The following OSBPL10 variants were observed in gnomAD, a reference collection of about 807,000 sequenced individuals.
OSBPL10 encodes the protein oxysterol-binding protein-related protein 10.
OSBPL10 carries 49 observed loss-of-function variants against 81.7 expected under a neutral mutation model. The observed-to-expected ratio is 0.60, with a 90% CI of 0.48 to 0.76. The LOEUF is 0.76. Among genes scored for constraint, OSBPL10 ranks in the 30% least tolerant of loss-of-function variants. The pLI is 0.00. For synonymous variants in OSBPL10, 419 were observed against 383.6 expected, an observed-to-expected ratio of 1.09 and a Z score of -1.08; for missense variants, 923 against 987.8, an observed-to-expected ratio of 0.93 and a Z score of 0.88.
chr3:31,906,688 T>C (rs983874433), intron 1 of OSBPL10, among the ~76,000 whole-genome samples: 1 of 152,212 alleles, frequency 6.6e-6, no homozygotes, highest in Admixed American at 6.5e-5. Context: ...CCTCCCACAC[T>C]GGCTACTCCT....
intron 6 of OSBPL10, among the ~76,000 whole-genome samples, chr3:31,717,469 T>C (rs917410251): frequency 6.6e-6 from 1 of 152,100 alleles, no homozygotes; most frequent in South Asian, 2.1e-4. Context: ...GAAGAAAGCA[T>C]CTGGCAGAAA....
intron 1 of OSBPL10, among the ~76,000 whole-genome samples, chr3:32,054,997 C>T (rs1270487659): frequency 2.0e-5 from 3 of 152,054 alleles, no homozygotes; most frequent in Non-Finnish European, 4.4e-5. Flanking sequence ...GAGACTGCAA[C>T]ATTAGAATAT....
chr3:32,027,427 A>G (rs1321256529), intron 2 of OSBPL10, among the ~76,000 whole-genome samples: 1 of 152,230 alleles, frequency 6.6e-6, no homozygotes, highest in Non-Finnish European at 1.5e-5. Flanking sequence ...AATGGGATTG[A>G]GGTGATGATT....
In OSBPL10 at chr3:31,702,467, T is replaced by C. The variant is rs773112062; in HGVS notation, c.1137A>G (p.Lys379=). 1.9e-6 allele frequency: 3 copies of C among 1,614,222 alleles called. No individual in the cohort carries two copies. The highest frequency in any genetic ancestry group is 3.3e-5 in the Admixed American group (2 of 60,032). ...TCTCTTCCTTATCTTCATTGTCACT[T>C]TTTTCATCTTCAGACAAAACCAATT... ...GSELVLSEDE[K]SDNEDKEETE... is the part of the protein sequence containing the mutation. The change falls in exon 7 of 12, where the codon AAA becomes AAG. Residue 379 remains lysine (K), a synonymous_variant. Transcript: ENST00000396556.
At chr3:31,965,616 AAT>A (rs1559534995) in intron 1 of OSBPL10, among the ~76,000 whole-genome samples, 2 of 77,300 alleles carry the variant, frequency 2.6e-5, no homozygotes, top group African/African-American at 1.1e-4. Context: ...ATATTATATA[AAT>A]TATATATTAT....
intron 8 of OSBPL10, among the ~76,000 whole-genome samples, chr3:31,679,511 C>G (rs1327961574): frequency 6.6e-6 from 1 of 152,196 alleles, no homozygotes; most frequent in African/African-American, 2.4e-5. Flanking sequence ...CGAGCCACCA[C>G]TGTTACCGAT....
chr3:31,818,962 C>T (rs967000745), intron 4 of OSBPL10, among the ~76,000 whole-genome samples: 7 of 152,320 alleles, frequency 4.6e-5, no homozygotes, highest in Admixed American at 3.3e-4. Context: ...GAGACACTGC[C>T]GTGTTACTGG....
intron 2 of OSBPL10, among the ~76,000 whole-genome samples, chr3:32,012,113 G>A (rs1234846603): frequency 1.3e-5 from 2 of 152,032 alleles, no homozygotes; most frequent in African/African-American, 2.4e-5. Context: ...ATACTCCTTG[G>A]GAAGAGCAAC....
At chr3:31,996,354 C>A (rs1184907560) in intron 2 of OSBPL10, among the ~76,000 whole-genome samples, 1 of 152,114 alleles carries the variant, frequency 6.6e-6, no homozygotes, top group Non-Finnish European at 1.5e-5. Context: ...TCTCTAAACT[C>A]TCCCCCCCGT....
chr3:31,737,392 A>G (rs1358996340), intron 5 of OSBPL10, among the ~76,000 whole-genome samples: 1 of 152,212 alleles, frequency 6.6e-6, no homozygotes, highest in Non-Finnish European at 1.5e-5. Context: ...AATTTCTAAC[A>G]TAAGGTGTTA....
chr3:31,885,433 G>A (rs556336778), intron 1 of OSBPL10, among the ~76,000 whole-genome samples: 18 of 152,120 alleles, frequency 1.2e-4, no homozygotes, highest in Admixed American at 4.6e-4. Flanking sequence ...GTTCTCACTC[G>A]TTCACACCCA....
intron 1 of OSBPL10, among the ~76,000 whole-genome samples, chr3:31,961,253 G>C (rs1698152174): frequency 6.6e-6 from 1 of 152,082 alleles, no homozygotes; most frequent in Non-Finnish European, 1.5e-5. Context: ...GGTGAGGCTA[G>C]ATCACGAGTC....
intron 2 of OSBPL10, among the ~76,000 whole-genome samples, chr3:32,009,030 T>C (rs772111303): frequency 3.9e-5 from 6 of 152,200 alleles, no homozygotes; most frequent in Non-Finnish European, 8.8e-5. Flanking sequence ...TAATTTACTC[T>C]TTGTACTTTT....
chr3:32,023,225 A>G (rs752084885), intron 2 of OSBPL10, among the ~76,000 whole-genome samples: 3 of 152,124 alleles, frequency 2.0e-5, no homozygotes, highest in Non-Finnish European at 4.4e-5. Flanking sequence ...GAGGGACCCA[A>G]TGGGAGGTAA....
intron 1 of OSBPL10, among the ~76,000 whole-genome samples, chr3:32,057,086 A>G (rs1699718276): frequency 6.6e-6 from 1 of 152,214 alleles, no homozygotes; most frequent in African/African-American, 2.4e-5. Flanking sequence ...CTAAAGTGGA[A>G]AGGAACCCTC....
chr3:31,746,060 G>C (rs1016340947), intron 5 of OSBPL10, among the ~76,000 whole-genome samples: 1 of 152,130 alleles, frequency 6.6e-6, no homozygotes, highest in Non-Finnish European at 1.5e-5. Flanking sequence ...AATTATATGT[G>C]ACATAACCAG....
chr3:31,793,400 T>C (rs1699084089), intron 4 of OSBPL10, among the ~76,000 whole-genome samples: 1 of 152,228 alleles, frequency 6.6e-6, no homozygotes, highest in Admixed American at 6.5e-5. Context: ...TTAAAACATA[T>C]GGAGGGCTTT....
intron 1 of OSBPL10, among the ~76,000 whole-genome samples, chr3:31,932,552 T>C (rs1697278351): frequency 6.6e-6 from 1 of 152,218 alleles, no homozygotes; most frequent in South Asian, 2.1e-4. Context: ...GGAAAATCTG[T>C]AAAGTTTTAC....
chr3:31,802,123 C>T (rs1203812754), intron 4 of OSBPL10, among the ~76,000 whole-genome samples: 4 of 150,490 alleles, frequency 2.7e-5, no homozygotes, highest in African/African-American at 4.9e-5. Context: ...GCACCCAGTC[C>T]GCCCGCCTCG....
Sources: allele counts gnomAD v4.1 joint callset (sites outside exome capture counted in the v4.1 genomes callset), GRCh38; gene constraint gnomAD v4.1.1; transcripts MANE v1.5; gene names NCBI Gene and HGNC (gene_info 2026-07-23, HGNC 2026-07-21).